ADGRB3: variants seen among roughly 807,000 people sequenced by gnomAD.
ADGRB3 encodes adhesion G protein-coupled receptor B3.
Under a neutral mutation model 193.4 loss-of-function variants are expected in ADGRB3, and 37 were observed. The ratio of observed to expected loss-of-function variants is 0.19; its 90% CI spans 0.15 to 0.25. The LOEUF (loss-of-function observed/expected upper bound fraction) is 0.25. Ranked by LOEUF, ADGRB3 falls within the 10% of genes least tolerant of loss-of-function variation. The pLI, the probability that ADGRB3 is intolerant of heterozygous loss-of-function variation, is 1.00. For missense variants in ADGRB3, 1,637 were observed against 1,852.9 expected, an observed-to-expected ratio of 0.88 and a Z score of 2.14; for synonymous variants, 690 against 644.2, an observed-to-expected ratio of 1.07 and a Z score of -1.08.
intron 3 of ADGRB3, among the ~76,000 whole-genome samples, chr6:68,811,470 C>T (rs888041383): frequency 2.6e-5 from 4 of 151,792 alleles, no homozygotes; most frequent in African/African-American, 7.3e-5. Context: ...TCTTGGGGTT[C>T]GTTTGTTTGT....
intron 8 of ADGRB3, among the ~76,000 whole-genome samples, chr6:68,970,465 C>T (rs1027340119): frequency 1.3e-5 from 2 of 151,986 alleles, no homozygotes; most frequent in African/African-American, 2.4e-5. Flanking sequence ...TACAGGTGCA[C>T]GCCACCACAC....
At chr6:69,260,410 T>C (rs1191489249) in intron 20 of ADGRB3, among the ~76,000 whole-genome samples, 2 of 152,126 alleles carry the variant, frequency 1.3e-5, no homozygotes, top group African/African-American at 2.4e-5. Flanking sequence ...GGAAGTGGTG[T>C]CCCTCATTGG....
intron 3 of ADGRB3, among the ~76,000 whole-genome samples, chr6:68,807,235 C>CTTTTTTTTTTTTTTTTTTTTT (rs771342538): frequency 1.9e-3 from 192 of 100,194 alleles, no homozygotes; most frequent in Non-Finnish European, 2.4e-3. Context: ...TTTCTTTTTT[C>CTTTTTTTTTTTTTTTTTTTTT]TTTTTTTTTT....
At chr6:68,906,249 A>G (rs1440943408) in intron 3 of ADGRB3, among the ~76,000 whole-genome samples, 2 of 151,874 alleles carry the variant, frequency 1.3e-5, no homozygotes, top group African/African-American at 2.4e-5. Context: ...ATTGGTATAT[A>G]GCATATATAT....
At chr6:69,043,473 A>C (rs1771148373) in intron 13 of ADGRB3, among the ~76,000 whole-genome samples, 1 of 152,220 alleles carries the variant, frequency 6.6e-6, no homozygotes, top group East Asian at 1.9e-4. Context: ...TAAGTTTTGA[A>C]TATATAATCT....
chr6:69,151,123 A>G (rs1040040632), intron 17 of ADGRB3, among the ~76,000 whole-genome samples: 1 of 152,186 alleles, frequency 6.6e-6, no homozygotes, highest in Non-Finnish European at 1.5e-5. Context: ...GTGTCTCACC[A>G]GGTTGCATGC....
chr6:69,313,820 A>G (rs1340665226), intron 20 of ADGRB3, among the ~76,000 whole-genome samples: 3 of 151,760 alleles, frequency 2.0e-5, no homozygotes, highest in African/African-American at 7.2e-5. Context: ...ATACATATAC[A>G]TTGTAGAATG....
chr6:69,372,477 CT>C (rs1482717057), intron 30 of ADGRB3, 36 bp downstream of exon 30: 2 of 1,165,964 alleles, frequency 1.7e-6, no homozygotes, highest in Non-Finnish European at 2.4e-6. Context: ...ATTGTAATTA[CT>C]TGAATTCAAA....
intron 3 of ADGRB3, among the ~76,000 whole-genome samples, chr6:68,805,088 C>T (rs548136694): frequency 6.8e-4 from 103 of 152,050 alleles, no homozygotes; most frequent in Non-Finnish European, 1.2e-3. Context: ...CCATCATACC[C>T]GGCTATTTTA....
intron 19 of ADGRB3, among the ~76,000 whole-genome samples, chr6:69,236,020 G>C (rs1035901773): frequency 8.6e-5 from 13 of 151,696 alleles, no homozygotes; most frequent in Admixed American, 7.2e-4. Flanking sequence ...CAGAATGTTT[G>C]TAATATTAGA....
intron 17 of ADGRB3, among the ~76,000 whole-genome samples, chr6:69,181,186 G>C (rs1743240603): frequency 6.6e-6 from 1 of 151,786 alleles, no homozygotes. Context: ...TATGATTCTG[G>C]TGAATTCCAA....
At position 68,856,079 on chromosome 6, in the gene ADGRB3, A is replaced by T. The variant is rs575629969; in HGVS notation, c.758-74480A>T. On this transcript the variant is annotated intron_variant, in intron 3 of 31. Transcript: ENST00000370598. ...GCATAAGCTTTCTTCACCTGCTGCC[A>T]TCCACATAAGTTGAGACTTGCTCCT... Among the ~76,000 whole-genome samples, 321 of 152,310 alleles carry T rather than the reference A, an allele frequency of 2.1e-3. 1 individual carries two copies. Among genetic ancestry groups the T allele is most frequent in the Non-Finnish European group, 3.4e-3 (230 of 68,034 alleles).
intron 20 of ADGRB3, among the ~76,000 whole-genome samples, chr6:69,248,995 T>C (rs2127265774): frequency 6.6e-6 from 1 of 152,344 alleles, no homozygotes; most frequent in East Asian, 1.9e-4. Flanking sequence ...TTCTTTTTTT[T>C]GAAATGGAGT....
chr6:69,300,810 A>G (rs938493724), intron 20 of ADGRB3, among the ~76,000 whole-genome samples: 2 of 151,846 alleles, frequency 1.3e-5, no homozygotes, highest in African/African-American at 4.8e-5. Flanking sequence ...GATGAAAGAT[A>G]TGGAAGAGGA....
chr6:69,280,042 G>A (rs973245191), intron 20 of ADGRB3, among the ~76,000 whole-genome samples: 8 of 152,146 alleles, frequency 5.3e-5, no homozygotes, highest in Admixed American at 2.0e-4. Context: ...CCTAGTCATC[G>A]GCAGGAGCTA....
intron 3 of ADGRB3, among the ~76,000 whole-genome samples, chr6:68,738,384 C>T (rs774536906): frequency 6.6e-6 from 1 of 152,020 alleles, no homozygotes; most frequent in Non-Finnish European, 1.5e-5. Context: ...CATTATCTGA[C>T]ATACATTTTA....
At chr6:69,037,322 C>A (rs1770902487) in intron 13 of ADGRB3, among the ~76,000 whole-genome samples, 1 of 152,078 alleles carries the variant, frequency 6.6e-6, no homozygotes. Flanking sequence ...GATTAAATAC[C>A]ATATTTCCTT....
intron 17 of ADGRB3, among the ~76,000 whole-genome samples, chr6:69,139,102 C>T (rs1202515045): frequency 5.9e-5 from 9 of 152,184 alleles, no homozygotes; most frequent in African/African-American, 2.2e-4. Flanking sequence ...TACCCCTTCA[C>T]CCTACCACCT....
At chr6:68,745,679 A>G (rs1374317839) in intron 3 of ADGRB3, among the ~76,000 whole-genome samples, 1 of 151,080 alleles carries the variant, frequency 6.6e-6, no homozygotes, top group Non-Finnish European at 1.5e-5. Context: ...AAATAAATGT[A>G]TTTTCTTATT....
Sources: allele counts gnomAD v4.1 joint callset (sites outside exome capture counted in the v4.1 genomes callset), GRCh38; gene constraint gnomAD v4.1.1; transcripts MANE v1.5; gene names NCBI Gene and HGNC (gene_info 2026-07-23, HGNC 2026-07-21).